The following ADCY9 variants were observed in gnomAD, a reference collection of about 807,000 sequenced individuals.
ADCY9 encodes the protein adenylate cyclase 9.
ADCY9 carries 50 observed loss-of-function variants against 101.5 expected under a neutral mutation model. The ratio of observed to expected loss-of-function variants is 0.49; its 90% confidence interval spans 0.39 to 0.62. The LOEUF is 0.62. ADCY9 is among the 20% of genes least tolerant of loss of function. The pLI is 0.00. For synonymous variants in ADCY9, 905 were observed against 769.3 expected, an observed-to-expected ratio of 1.18 and a Z score of -2.92; for missense variants, 1,662 against 1,800.4, an observed-to-expected ratio of 0.92 and a Z score of 1.39.
chr16:3,978,080 A>C (rs1182792633), intron 8 of ADCY9, among the ~76,000 whole-genome samples: 1 of 152,136 alleles, frequency 6.6e-6, no homozygotes, highest in Admixed American at 6.5e-5. Context: ...CACTATCTGC[A>C]GTCAGTCTTA....
intron 2 of ADCY9, among the ~76,000 whole-genome samples, chr16:4,060,036 G>A (rs1333221083): frequency 2.0e-5 from 3 of 152,214 alleles, no homozygotes; most frequent in African/African-American, 4.8e-5. Context: ...AGGGTGGGAC[G>A]AGCTGTGAAA....
At chr16:4,011,283 G>A (rs1050398454) in intron 2 of ADCY9, among the ~76,000 whole-genome samples, 2 of 152,174 alleles carry the variant, frequency 1.3e-5, no homozygotes, top group African/African-American at 4.8e-5. Flanking sequence ...AGCAGAGAAC[G>A]TGTGGAGGGA....
chr16:4,004,158 G>A (rs925852191), intron 3 of ADCY9, among the ~76,000 whole-genome samples: 4 of 150,716 alleles, frequency 2.7e-5, no homozygotes, highest in Non-Finnish European at 5.9e-5. Flanking sequence ...TGACTTGGGA[G>A]GATCACTTGA....
chr16:3,987,681 C>T (rs2056205230), intron 6 of ADCY9, among the ~76,000 whole-genome samples: 1 of 152,220 alleles, frequency 6.6e-6, no homozygotes, highest in Non-Finnish European at 1.5e-5. Flanking sequence ...CCTCCCACCC[C>T]ACGAGGCATG....
chr16:3,979,432 C>G (rs956294974), intron 7 of ADCY9, among the ~76,000 whole-genome samples, 157 bp from the exon 8 acceptor site: 3 of 152,238 alleles, frequency 2.0e-5, no homozygotes, highest in Admixed American at 1.3e-4. Context: ...AGTCTACCTC[C>G]CTCACTTTTG....
intron 2 of ADCY9, among the ~76,000 whole-genome samples, chr16:4,073,552 T>C (rs1262547054): frequency 2.6e-5 from 4 of 152,152 alleles, no homozygotes; most frequent in African/African-American, 4.8e-5. Flanking sequence ...CTCACCACCA[T>C]ATCCAGCTAA....
intron 3 of ADCY9, among the ~76,000 whole-genome samples, chr16:3,997,146 T>C (rs1195133519): frequency 6.6e-6 from 1 of 152,230 alleles, no homozygotes; most frequent in Non-Finnish European, 1.5e-5. Flanking sequence ...ATTACAGGCG[T>C]GAGCCACCGT....
intron 10 of ADCY9, among the ~76,000 whole-genome samples, chr16:3,967,600 C>G (rs2056010984): frequency 6.6e-6 from 1 of 151,776 alleles, no homozygotes. Context: ...TGCTGGTTGC[C>G]AAGGCTGGTC....
At chr16:3,997,209 C>T (rs1370985204) in intron 3 of ADCY9, among the ~76,000 whole-genome samples, 1 of 152,216 alleles carries the variant, frequency 6.6e-6, no homozygotes, top group African/African-American at 2.4e-5. Context: ...TCTTCAGTGC[C>T]CCCCACGGCA....
At chr16:4,080,863 A>G (rs1409648029) in intron 2 of ADCY9, among the ~76,000 whole-genome samples, 1 of 152,108 alleles carries the variant, frequency 6.6e-6, no homozygotes, top group Admixed American at 6.6e-5. Flanking sequence ...CCTGCTCAGG[A>G]TAAAAAGAAA....
intron 2 of ADCY9, among the ~76,000 whole-genome samples, chr16:4,046,394 T>G (rs961950925): frequency 1.3e-5 from 2 of 152,040 alleles, no homozygotes; most frequent in African/African-American, 2.4e-5. Flanking sequence ...AATTCTCACA[T>G]GAGCTTTGTA....
At chr16:4,015,031 C>A (rs1490557856) in intron 2 of ADCY9, among the ~76,000 whole-genome samples, 2 of 147,374 alleles carry the variant, frequency 1.4e-5, no homozygotes, top group Non-Finnish European at 3.0e-5. Flanking sequence ...GCTCTGCCTC[C>A]CGGGTTCACG....
intron 5 of ADCY9, among the ~76,000 whole-genome samples, chr16:3,956,235 G>T (rs2055905586): frequency 6.6e-6 from 1 of 151,806 alleles, no homozygotes; most frequent in Non-Finnish European, 1.5e-5. Context: ...AGCTCCAATT[G>T]CCACGAAAAT....
intron 2 of ADCY9, among the ~76,000 whole-genome samples, chr16:4,074,869 T>C (rs966069278): frequency 1.3e-5 from 2 of 152,080 alleles, no homozygotes; most frequent in African/African-American, 4.8e-5. Context: ...TTGAAAGTTG[T>C]TACACTTTTA....
downstream of ADCY9, among the ~76,000 whole-genome samples, chr16:3,959,042 G>A (rs563164553): frequency 7.2e-5 from 11 of 151,936 alleles, no homozygotes; most frequent in African/African-American, 1.7e-4. Flanking sequence ...TCTTGCATGC[G>A]TTAGGGTTGA....
Position 4,113,891 on chromosome 16 carries a change from T to G in ADCY9, c.1552A>C (p.Asn518His). 6.2e-7 allele frequency: 1 copy of G among 1,614,198 alleles called. No individual in the cohort carries two copies. Among genetic ancestry groups the G allele is most frequent in the Non-Finnish European group, 8.5e-7 (1 of 1,180,036 alleles). The change falls in exon 2 of 11, where the codon AAT becomes CAT. Residue 518 changes from asparagine (N) to histidine (H), a missense_variant. This residue lies in a region of ADCY9 where 228 missense variants were observed against 301.1 expected (regional missense o/e 0.76). Transcript: ENST00000294016. ...DVWSNDVNLA[N>H]LMEQLGVAGK... ...GCCACTCCCAGCTGCTCCATGAGAT[T>G]GGCCAGGTTCACATCGTTGGACCAC... is the stretch of plus-strand genomic sequence containing the variant.
chr16:4,066,180 G>A (rs1216283669), intron 2 of ADCY9, among the ~76,000 whole-genome samples: 1 of 152,156 alleles, frequency 6.6e-6, no homozygotes, highest in Non-Finnish European at 1.5e-5. Flanking sequence ...ATCTCATTAT[G>A]AAAATCCCCA....
rs1027025882 is a variant in ADCY9, at chr16:4,114,906, G to A, written c.537C>T (p.Leu179=). 6.2e-7 allele frequency: 1 copy of A among 1,613,892 alleles called. No individual in the cohort carries two copies. The highest frequency in any genetic ancestry group is 1.7e-5 in the Admixed American group (1 of 60,032). The change falls in exon 2 of 11, where the codon CTC becomes CTT. Residue 179 remains leucine (L), a synonymous_variant. Coordinates refer to ENST00000294016, the MANE Select transcript of ADCY9 (RefSeq NM_001116.4). This position sits in a 1 kb window ranked among gnomAD's most constrained non-coding sequence, Gnocchi z 4.3. ...ARHYAWTSLA[L]TLLVFALTLA... The stretch of plus-strand genomic sequence containing the variant: ...GGGTCAGGGCGAACACCAGCAGGGT[G>A]AGAGCCAGCGAGGTCCACGCGTAAT...
intron 2 of ADCY9, among the ~76,000 whole-genome samples, chr16:4,075,799 G>A (rs2056863448): frequency 6.6e-6 from 1 of 152,024 alleles, no homozygotes; most frequent in South Asian, 2.1e-4. Context: ...AGATGCTACT[G>A]GATCTTGTAA....
Sources: gnomAD v4.1 joint callset for allele counts (sites outside exome capture counted in the v4.1 genomes callset) on GRCh38, gnomAD v4.1.1 for gene constraint, gnomAD v4.1.1 regional missense constraint, Gnocchi (gnomAD v3.1) non-coding constraint, MANE v1.5 for transcripts, NCBI Gene and HGNC (gene_info 2026-07-23, HGNC 2026-07-21) for gene names.